GLYR1: variants seen among roughly 807,000 people sequenced by gnomAD.
The protein encoded by GLYR1 is cytokine-like nuclear factor N-PAC.
A neutral mutation model predicts 72.7 loss-of-function variants in GLYR1; 21 were observed. The ratio of observed to expected loss-of-function variants is 0.29; its 90% confidence interval spans 0.20 to 0.42. The LOEUF (loss-of-function observed/expected upper bound fraction) is 0.42, where lower values mean the gene tolerates loss of function less well. GLYR1 is among the 10% of genes least tolerant of loss of function. The pLI, the probability that GLYR1 is intolerant of heterozygous loss-of-function variation, is 1.00. For missense variants in GLYR1, 594 were observed against 712.1 expected (o/e 0.83, Z 1.89); for synonymous variants, 392 against 270.2 (o/e 1.45, Z -4.42).
In GLYR1 at chr16:4,846,409, T is replaced by C. The variant is rs548171521; in HGVS notation, c.39-199A>G. Among the ~76,000 whole-genome samples, 7 of 152,390 alleles carry C rather than the reference T, an allele frequency of 4.6e-5. No homozygotes were observed. The South Asian group carries it at 1.0e-3, about 23-fold the overall frequency. ...TTATGTGCACAACGCATATCCATTCTTCTGTTGACAAGGAATACAGAACAA... is the reference window on the plus strand; with the variant it reads ...TTATGTGCACAACGCATATCCATTCCTCTGTTGACAAGGAATACAGAACAA... On this transcript the variant is annotated intron_variant, in intron 1 of 15. Transcript: ENST00000321919.
chr16:4,805,214 G>A lies in GLYR1; in HGVS notation c.*22C>T, dbSNP rs2082899357. On this transcript the variant is annotated 3_prime_UTR_variant, in exon 16 of 16. Transcript: ENST00000321919. ...GGGGGTCAGAGGGGGGATTGGAGGG[G>A]TGAGGGCGGGGTGTCGACAGCTTAG... 1.2e-6 allele frequency: 2 copies of A among 1,610,546 alleles called. No homozygotes were observed. Among genetic ancestry groups the A allele is most frequent in the Non-Finnish European group, 8.5e-7 (1 of 1,177,198 alleles).
At chr16:4,823,634 C>T (rs755617277) in intron 6 of GLYR1, among the ~76,000 whole-genome samples, 187 bp downstream of exon 6, 2 of 152,072 alleles carry the variant, frequency 1.3e-5, no homozygotes, top group Non-Finnish European at 2.9e-5. Context: ...AAATCCGTCA[C>T]CTCGAGCCTC....
intron 3 of GLYR1, chr16:4,839,706 G>C (rs2085406918): frequency 6.6e-6 from 1 of 152,134 alleles, no homozygotes; most frequent in Non-Finnish European, 1.5e-5. Flanking sequence ...AACACAATTT[G>C]TTAGATATTT....
At chr16:4,832,993 G>A in intron 3 of GLYR1, 81 bp from the exon 4 acceptor site, 2 of 1,331,280 alleles carry the variant, frequency 1.5e-6, no homozygotes, top group Non-Finnish European at 2.0e-6. Flanking sequence ...ATGGCACGGT[G>A]TAAATATCCA....
At position 4,813,844 on chromosome 16, in the gene GLYR1, G is replaced by A; in HGVS notation, c.1018-6C>T. On this transcript the variant is annotated splice_polypyrimidine_tract_variant and splice_region_variant and intron_variant, in intron 11 of 15. Transcript: ENST00000321919. ...CCACTGGGGCCCAGCACCAGCTGTG[G>A]GGACACAAGGGAGAAGCAATAGCCC... 1 of 1,603,912 alleles carries A rather than the reference G, an allele frequency of 6.2e-7. No homozygotes were observed.
chr16:4,819,251 A>C (rs1385859641), intron 9 of GLYR1, among the ~76,000 whole-genome samples: 1 of 151,956 alleles, frequency 6.6e-6, no homozygotes, highest in Non-Finnish European at 1.5e-5. Flanking sequence ...GGTATCAGGC[A>C]ATCCTCTCAC....
At chr16:4,837,673 G>A (rs561289783) in intron 3 of GLYR1, among the ~76,000 whole-genome samples, 83 of 151,908 alleles carry the variant, frequency 5.5e-4, no homozygotes, top group Non-Finnish European at 9.3e-4. Context: ...AGAACAAGCC[G>A]GCACGGTAGC....
intron 15 of GLYR1, 136 bp downstream of exon 15, chr16:4,811,034 G>C: frequency 9.4e-7 from 1 of 1,067,336 alleles, no homozygotes; most frequent in South Asian, 1.7e-5. Flanking sequence ...GAAACCAGGA[G>C]GCGGAGGTTG....
rs753780878 is a variant in GLYR1 at position 4,832,014 on chromosome 16, G to C, written c.502C>G (p.Pro168Ala). 2.5e-6 allele frequency: 4 copies of C among 1,614,136 alleles called. No homozygotes were observed. Among genetic ancestry groups the C allele is most frequent in the South Asian group, 1.1e-5 (1 of 91,076 alleles). Reference sequence around the variant, plus strand: ...TTTGGGGGCCGACCCCGCTTCCGGGGACTTTGCTCTTGGGCTCTTTTCAGA... The same window carrying C: ...TTTGGGGGCCGACCCCGCTTCCGGGCACTTTGCTCTTGGGCTCTTTTCAGA... ...SPLKRAQEQS[P>A]RKRGRPPKDE... is the part of the protein sequence containing the mutation. Residue 168 changes from proline (P) to alanine (A), a missense_variant, in exon 5 of 16, where the codon CCC becomes GCC. Physicochemically the swap from Pro to Ala is conservative, Grantham distance 27. This residue lies in a region of GLYR1 where 252 missense variants were observed against 211.3 expected (regional missense o/e 1.19). Transcript: ENST00000321919.
chr16:4,843,092 A>G (rs1317062512), intron 3 of GLYR1, among the ~76,000 whole-genome samples: 1 of 152,220 alleles, frequency 6.6e-6, no homozygotes. Flanking sequence ...GCTTTCTTAT[A>G]AATTCCCTCA....
intron 6 of GLYR1, among the ~76,000 whole-genome samples, 198 bp downstream of exon 6, chr16:4,823,623 G>C (rs2084183631): frequency 6.6e-6 from 1 of 151,790 alleles, no homozygotes; most frequent in East Asian, 1.9e-4. Context: ...CCAAAGGACT[G>C]AAATCCGTCA....
At chr16:4,842,362 C>A (rs1027423588) in intron 3 of GLYR1, among the ~76,000 whole-genome samples, 2 of 151,714 alleles carry the variant, frequency 1.3e-5, no homozygotes, top group Non-Finnish European at 2.9e-5. Flanking sequence ...AATTCTTTTT[C>A]TTTTTAAGAC....
rs142255076 is a variant in GLYR1 at position 4,842,985 on chromosome 16, C to T, written c.155+2089G>A. On this transcript the variant is annotated intron_variant, in intron 3 of 15. Coordinates refer to ENST00000321919, the MANE Select transcript of GLYR1 (RefSeq NM_032569.4). ...AAAGTGCTGGGGTTACAGGCATGAG[C>T]CACCATGCCCGACCATCATTGTGCA... 2.0e-5 allele frequency among the ~76,000 whole-genome samples: 3 copies of T among 152,206 alleles called. No individual in the cohort carries two copies. The East Asian group carries it at 5.8e-4, about 30-fold the overall frequency.
chr16:4,826,644 A>T (rs1567736139), intron 5 of GLYR1, among the ~76,000 whole-genome samples: 2 of 152,258 alleles, frequency 1.3e-5, no homozygotes, highest in Non-Finnish European at 2.9e-5. Context: ...GAAAAGGCCC[A>T]GCCCAGAGCT....
At chr16:4,815,802 G>A (rs78915459) in intron 10 of GLYR1, among the ~76,000 whole-genome samples, 1 of 139,228 alleles carries the variant, frequency 7.2e-6, no homozygotes, top group Non-Finnish European at 1.6e-5. Flanking sequence ...TTTTTTTTTT[G>A]AGACAGAGTC....
At chr16:4,842,190 G>A (rs2085608000) in intron 3 of GLYR1, among the ~76,000 whole-genome samples, 1 of 151,210 alleles carries the variant, frequency 6.6e-6, no homozygotes, top group African/African-American at 2.4e-5. Flanking sequence ...CTTGTAGTGA[G>A]CCAAGATCGC....
intron 10 of GLYR1, among the ~76,000 whole-genome samples, chr16:4,816,059 G>A (rs570905839): frequency 8.9e-4 from 136 of 152,168 alleles, no homozygotes; most frequent in African/African-American, 3.0e-3. Flanking sequence ...ATGAGCCACC[G>A]CACCCGGCCT....
intron 5 of GLYR1, among the ~76,000 whole-genome samples, chr16:4,824,356 A>T (rs1285093436): frequency 6.6e-6 from 1 of 152,016 alleles, no homozygotes; most frequent in African/African-American, 2.4e-5. Context: ...CTACTAAAAA[A>T]TACAAAAATT....
Position 4,817,628 on chromosome 16 carries a change from T to G in GLYR1, c.876A>C (p.Thr292=), listed in dbSNP as rs151058745. Residue 292 remains threonine (T), a synonymous_variant, in exon 10 of 16, where the codon ACA becomes ACC. Coordinates refer to ENST00000321919, the MANE Select transcript of GLYR1 (RefSeq NM_032569.4). The part of the protein sequence containing the change: ...IVSNLLKMGH[T]VTVWNRTAEK... The stretch of plus-strand genomic sequence containing the variant: ...CTGCAGTGCGGTTCCAGACAGTCAC[T>G]GTGTGACCCATTTTTAGCAAGTTGG... The G allele has an allele frequency of 1.9e-6, 3 of 1,613,148 alleles. No homozygotes were observed. The Admixed American group carries it at 5.0e-5, about 27-fold the overall frequency.
Sources: gnomAD v4.1 joint callset for allele counts (sites outside exome capture counted in the v4.1 genomes callset) on GRCh38, gnomAD v4.1.1 for gene constraint, gnomAD v4.1.1 regional missense constraint, MANE v1.5 for transcripts, NCBI Gene and HGNC (gene_info 2026-07-23, HGNC 2026-07-21) for gene names.